GABRG1: variants seen among roughly 807,000 people sequenced by gnomAD.
GABRG1 encodes the protein gamma-aminobutyric acid receptor subunit gamma-1.
A neutral mutation model predicts 49.8 loss-of-function variants in GABRG1; 49 were observed. The ratio of observed to expected loss-of-function variants is 0.98; its 90% CI spans 0.78 to 1.25. The LOEUF is 1.25. Ranked by LOEUF, GABRG1 falls within the 50% of genes most tolerant of loss-of-function variation. GABRG1 has a pLI of 0.00. For missense variants in GABRG1, 552 were observed against 552.3 expected (o/e 1.00, Z 0.01); for synonymous variants, 232 against 185.1 (o/e 1.25, Z -2.06).
intron 5 of GABRG1, among the ~76,000 whole-genome samples, chr4:46,063,195 A>C (rs972792879): frequency 6.6e-6 from 1 of 151,866 alleles, no homozygotes; most frequent in African/African-American, 2.4e-5. Context: ...AACCAAAAAA[A>C]AGCCCGCATT....
In GABRG1 at chr4:46,049,941, T is replaced by C. The variant is rs576749999; in HGVS notation, c.1131+1483A>G. ...AATGGATGTGAGATTGTACATTGCC[T>C]GGCCTCTATATTAGTTATTTTTATT... On this transcript the variant is annotated intron_variant, in intron 8 of 8. Transcript: ENST00000295452. Among the ~76,000 whole-genome samples, 9 of 152,044 alleles carry C rather than the reference T, an allele frequency of 5.9e-5. No homozygotes were observed. In the East Asian group the frequency reaches 1.7e-3, roughly 29 times the overall value.
chr4:46,067,440 T>C (rs1400537458), intron 3 of GABRG1, among the ~76,000 whole-genome samples: 1 of 152,126 alleles, frequency 6.6e-6, no homozygotes, highest in Non-Finnish European at 1.5e-5. Context: ...AATGAAGTAA[T>C]GTGTAATCAT....
intron 8 of GABRG1, 111 bp from the exon 9 acceptor site, chr4:46,041,365 T>G (rs370879193): frequency 1.1e-6 from 1 of 927,526 alleles, no homozygotes; most frequent in Non-Finnish European, 1.6e-6. Context: ...AAAATAATCT[T>G]GATTTCAAAA....
At chr4:46,100,868 C>T (rs1268650657) in intron 1 of GABRG1, among the ~76,000 whole-genome samples, 2 of 151,050 alleles carry the variant, frequency 1.3e-5, no homozygotes, top group African/African-American at 4.9e-5. Context: ...TATCTTTCCT[C>T]AGTTTCGGCA....
intron 1 of GABRG1, among the ~76,000 whole-genome samples, chr4:46,114,578 G>A (rs527400178): frequency 6.6e-6 from 1 of 150,966 alleles, no homozygotes; most frequent in Admixed American, 6.6e-5. Context: ...GGTATGTAAT[G>A]TGATACCTCC....
At chr4:46,068,001 TG>T (rs1388700400) in intron 3 of GABRG1, among the ~76,000 whole-genome samples, 1 of 152,092 alleles carries the variant, frequency 6.6e-6, no homozygotes, top group Non-Finnish European at 1.5e-5. Context: ...TCAGGCCAGA[TG>T]TTTTGTCTTT....
At chr4:46,086,679 A>C (rs895606423) in intron 2 of GABRG1, among the ~76,000 whole-genome samples, 1 of 151,508 alleles carries the variant, frequency 6.6e-6, no homozygotes, top group Non-Finnish European at 1.5e-5. Context: ...TATAAATTTT[A>C]CTTCAAATTT....
chr4:46,110,014 G>T (rs1720669304), intron 1 of GABRG1, among the ~76,000 whole-genome samples: 1 of 151,050 alleles, frequency 6.6e-6, no homozygotes, highest in Non-Finnish European at 1.5e-5. Context: ...GTGTTCTACA[G>T]ATATCTGCTA....
In GABRG1 at chr4:46,123,989, C is replaced by T; in HGVS notation, c.-76G>A. 9.3e-7 allele frequency: 1 copy of T among 1,080,994 alleles called. No homozygotes were observed. Among genetic ancestry groups the T allele is most frequent in the Non-Finnish European group, 1.4e-6 (1 of 708,854 alleles). 67.0% of individuals were successfully genotyped at this position (1,080,994 alleles called of 1,614,324 possible). A position where few individuals can be genotyped will look rare whatever the true frequency, so the allele number is the denominator to read the frequency against. On this transcript the variant is annotated 5_prime_UTR_variant, in exon 1 of 9. Coordinates refer to ENST00000295452, the MANE Select transcript of GABRG1 (RefSeq NM_173536.4). ...ACTTTTCCTCCCACCTCAGCAGCAG[C>T]TGGCTGAGTACAGAAGGGAGAGTGT... is the stretch of plus-strand genomic sequence containing the variant.
chr4:46,077,189 T>C (rs978558567), intron 3 of GABRG1, among the ~76,000 whole-genome samples: 1 of 150,798 alleles, frequency 6.6e-6, no homozygotes, highest in Non-Finnish European at 1.5e-5. Context: ...TTAGGAGATA[T>C]ACCTAATGCT....
rs1717604134 is a variant in GABRG1 at position 46,038,152 on chromosome 4, C to T, written c.*2836G>A. 6.6e-6 allele frequency: 1 copy of T among 151,670 alleles called. No individual in the cohort carries two copies. Among genetic ancestry groups the T allele is most frequent in the African/African-American group, 2.4e-5 (1 of 41,396 alleles). The allele number at this position is 151,670 out of a possible 1,614,324, so 9.4% of individuals were successfully genotyped here. ...CACTTACATCAAGACTTCAGACTTACTGGGAAATTTTTCCCTGTCCCTGCT... is the reference window on the plus strand; with the variant it reads ...CACTTACATCAAGACTTCAGACTTATTGGGAAATTTTTCCCTGTCCCTGCT... On this transcript the variant is annotated 3_prime_UTR_variant, in exon 9 of 9. Transcript: ENST00000295452.
chr4:46,058,060 T>A (rs1718518915), intron 7 of GABRG1, among the ~76,000 whole-genome samples, 157 bp downstream of exon 7: 1 of 152,130 alleles, frequency 6.6e-6, no homozygotes, highest in East Asian at 1.9e-4. Flanking sequence ...TTTTTACATA[T>A]CTCTTTCAAC....
chr4:46,060,993 G>C lies in GABRG1; in HGVS notation c.626-2371C>G, dbSNP rs575322877. 6.6e-5 allele frequency among the ~76,000 whole-genome samples: 10 copies of C among 152,094 alleles called. No individual in the cohort carries two copies. In the South Asian group the frequency reaches 1.7e-3, roughly 25 times the overall value. On this transcript the variant is annotated intron_variant, in intron 5 of 8. Coordinates refer to ENST00000295452, the MANE Select transcript of GABRG1 (RefSeq NM_173536.4). ...CTGAATTCTCTACTGGACCCATGTA[G>C]AGTGCCTGAAAAAAATTAGCTATGA...
intron 5 of GABRG1, among the ~76,000 whole-genome samples, chr4:46,062,423 T>A (rs987026886): frequency 4.6e-5 from 7 of 152,178 alleles, no homozygotes; most frequent in African/African-American, 1.7e-4. Flanking sequence ...ATGGTATTTC[T>A]AGTTCTAGAT....
intron 3 of GABRG1, among the ~76,000 whole-genome samples, chr4:46,066,028 T>C (rs1718909013): frequency 6.6e-6 from 1 of 152,114 alleles, no homozygotes. Flanking sequence ...GGCCTAAACT[T>C]TCTTTCTGTT....
chr4:46,101,804 G>A (rs566669994), intron 1 of GABRG1, among the ~76,000 whole-genome samples: 1 of 151,654 alleles, frequency 6.6e-6, no homozygotes, highest in Non-Finnish European at 1.5e-5. Flanking sequence ...TTAAGAGTCT[G>A]TAAAAACATC....
chr4:46,067,296 T>C (rs1310131463), intron 3 of GABRG1, among the ~76,000 whole-genome samples: 10 of 152,220 alleles, frequency 6.6e-5, no homozygotes, highest in Admixed American at 5.9e-4. Context: ...AGTGTTACAA[T>C]TCTGGAAAAG....
At chr4:46,107,330 A>G (rs1319403022) in intron 1 of GABRG1, among the ~76,000 whole-genome samples, 1 of 151,300 alleles carries the variant, frequency 6.6e-6, no homozygotes, top group Non-Finnish European at 1.5e-5. Flanking sequence ...ATATGTTCCT[A>G]AGGTAATACC....
intron 8 of GABRG1, among the ~76,000 whole-genome samples, chr4:46,046,341 C>T (rs1396076012): frequency 2.6e-5 from 4 of 151,986 alleles, no homozygotes; most frequent in Non-Finnish European, 5.9e-5. Context: ...TCTATACACT[C>T]CAGGGAAGCA....
Sources: gnomAD v4.1 joint callset for allele counts (sites outside exome capture counted in the v4.1 genomes callset) on GRCh38, gnomAD v4.1.1 for gene constraint, MANE v1.5 for transcripts, NCBI Gene and HGNC (gene_info 2026-07-23, HGNC 2026-07-21) for gene names.